GABBR2: variants seen among roughly 807,000 people sequenced by gnomAD.
The protein encoded by GABBR2 is G-protein coupled receptor 51.
A neutral mutation model predicts 105.6 loss-of-function variants in GABBR2; 23 were observed. The observed-to-expected ratio is 0.22, with a 90% CI of 0.16 to 0.31. The LOEUF (loss-of-function observed/expected upper bound fraction) is 0.31, where lower values mean the gene tolerates loss of function less well. GABBR2 is among the 10% of genes least tolerant of loss of function. The probability of loss-of-function intolerance (pLI) is 1.00; values close to 1 mark genes in which losing one functional copy is unlikely to be tolerated. For missense variants in GABBR2, 734 were observed against 1,245.5 expected (o/e 0.59, Z 6.18); for synonymous variants, 478 against 499.7 (o/e 0.96, Z 0.58).
chr9:98,676,803 C>T lies in GABBR2; in HGVS notation c.321+31614G>A, dbSNP rs79257039. On this transcript the variant is annotated intron_variant, in intron 1 of 18. Coordinates refer to ENST00000259455, the MANE Select transcript of GABBR2 (RefSeq NM_005458.8). ...AAATAAGTGTTCAACTTACTGAAGC[C>T]GCTGTATTTTTGAGCCTCTTTTTTA... 3.8e-3 allele frequency among the ~76,000 whole-genome samples: 573 copies of T among 152,308 alleles called. 2 individuals carry two copies. The highest frequency in any genetic ancestry group is 0.013 in the African/African-American group (535 of 41,568).
chr9:98,450,489 G>C (rs1455487009), intron 7 of GABBR2, among the ~76,000 whole-genome samples: 3 of 152,220 alleles, frequency 2.0e-5, no homozygotes, highest in Non-Finnish European at 4.4e-5. Flanking sequence ...CTGTTTCACT[G>C]TTGCGGTCTG....
intron 7 of GABBR2, among the ~76,000 whole-genome samples, chr9:98,430,447 A>C (rs1046810094): frequency 6.6e-6 from 1 of 151,800 alleles, no homozygotes; most frequent in African/African-American, 2.4e-5. Flanking sequence ...ATTTCACCCC[A>C]CTCCTGAGAT....
At chr9:98,466,760 G>C (rs1188390750) in intron 6 of GABBR2, among the ~76,000 whole-genome samples, 1 of 152,196 alleles carries the variant, frequency 6.6e-6, no homozygotes, top group Non-Finnish European at 1.5e-5. Flanking sequence ...AGGTTCAGCT[G>C]CATTGTAACA....
rs1347437941 is a variant in GABBR2 at position 98,371,529 on chromosome 9, C to T, written c.1705G>A (p.Gly569Arg). The T allele has an allele frequency of 6.2e-7, 1 of 1,612,774 alleles. No individual in the cohort carries two copies. The highest frequency in any genetic ancestry group is 8.5e-7 in the Non-Finnish European group (1 of 1,178,936). The change falls in exon 12 of 19, where the codon GGG (glycine) becomes AGG (arginine). Residue 569 changes from glycine to arginine, a missense_variant. Physicochemically the swap from Gly to Arg is moderately radical, Grantham distance 125. This residue lies in a region of GABBR2 where 17 missense variants were observed against 67.8 expected (regional missense o/e 0.25). Transcript: ENST00000259455. ...CTCCAGGTCTTTGCAAACATGGCCC[C>T]AAAAGCGGTCGTGTAGCCCACGGTG... The part of the protein sequence containing the change: ...ILTVGYTTAF[G>R]AMFAKTWRVH...
At chr9:98,498,421 T>C (rs1189822327) in intron 3 of GABBR2, among the ~76,000 whole-genome samples, 1 of 152,234 alleles carries the variant, frequency 6.6e-6, no homozygotes, top group Non-Finnish European at 1.5e-5. Flanking sequence ...AAAGAACTTC[T>C]TATTTCAACA....
At chr9:98,587,039 A>C (rs2778909) in intron 1 of GABBR2, among the ~76,000 whole-genome samples, 95,758 of 152,102 alleles carry the variant, frequency 0.63, 30,388 homozygotes, top group East Asian at 0.72. Flanking sequence ...TACACTCCCA[A>C]CAGCAGTGTT....
intron 1 of GABBR2, among the ~76,000 whole-genome samples, chr9:98,693,343 TG>T (rs1257362478): frequency 1.3e-5 from 2 of 152,190 alleles, no homozygotes; most frequent in Non-Finnish European, 2.9e-5. Context: ...TCTACACAGA[TG>T]CCATTCCCGG....
chr9:98,411,966 A>G (rs1832598684), intron 7 of GABBR2, among the ~76,000 whole-genome samples: 1 of 152,278 alleles, frequency 6.6e-6, no homozygotes, highest in Non-Finnish European at 1.5e-5. Flanking sequence ...GTAGGATTTA[A>G]CAGCCTCCTC....
At chr9:98,469,901 G>A (rs1261179018) in intron 6 of GABBR2, among the ~76,000 whole-genome samples, 1 of 152,204 alleles carries the variant, frequency 6.6e-6, no homozygotes, top group Non-Finnish European at 1.5e-5. Context: ...CCAGCAGCCA[G>A]TGCCATGCTG....
intron 4 of GABBR2, among the ~76,000 whole-genome samples, chr9:98,482,275 A>T (rs1232656085): frequency 6.6e-6 from 1 of 152,254 alleles, no homozygotes; most frequent in African/African-American, 2.4e-5. Context: ...GTACTTTAGC[A>T]AAATAAAGAA....
chr9:98,446,000 A>G (rs1247471708), intron 7 of GABBR2, among the ~76,000 whole-genome samples: 2 of 152,234 alleles, frequency 1.3e-5, no homozygotes, highest in African/African-American at 4.8e-5. Flanking sequence ...TTCCACATTA[A>G]GGTAACTTTC....
At chr9:98,556,997 T>C (rs1273571995) in intron 2 of GABBR2, among the ~76,000 whole-genome samples, 2 of 152,220 alleles carry the variant, frequency 1.3e-5, no homozygotes, top group African/African-American at 4.8e-5. Flanking sequence ...TGAGCCGTGA[T>C]AGTGCCACTG....
At chr9:98,307,777 AC>A (rs1830573902) in intron 14 of GABBR2, among the ~76,000 whole-genome samples, 1 of 152,082 alleles carries the variant, frequency 6.6e-6, no homozygotes, top group South Asian at 2.1e-4. Flanking sequence ...ATGTCAAAGC[AC>A]TCTGTAGACT....
intron 13 of GABBR2, among the ~76,000 whole-genome samples, chr9:98,345,431 T>A (rs550635039): frequency 6.6e-6 from 1 of 152,344 alleles, no homozygotes; most frequent in Admixed American, 6.5e-5. Context: ...GTTTTGGCCA[T>A]CAAAACTATT....
chr9:98,675,961 A>C (rs1830471857), intron 1 of GABBR2, among the ~76,000 whole-genome samples: 1 of 152,148 alleles, frequency 6.6e-6, no homozygotes, highest in South Asian at 2.1e-4. Flanking sequence ...CTCACCTGTA[A>C]TAGATAGAAC....
chr9:98,551,532 C>T (rs566608275), intron 2 of GABBR2, among the ~76,000 whole-genome samples: 1 of 152,278 alleles, frequency 6.6e-6, no homozygotes, highest in South Asian at 2.1e-4. Flanking sequence ...AGGGAGGGAA[C>T]AATTTATGCC....
chr9:98,436,267 AAAC>A (rs1217089305), intron 7 of GABBR2, among the ~76,000 whole-genome samples: 7 of 113,140 alleles, frequency 6.2e-5, no homozygotes, highest in Non-Finnish European at 1.2e-4. Flanking sequence ...TCTGTTATTT[AAAC>A]AACAACAACC....
chr9:98,407,464 C>T (rs145501111), intron 7 of GABBR2, among the ~76,000 whole-genome samples: 1,733 of 152,236 alleles, frequency 0.011, 38 homozygotes, highest in African/African-American at 0.04. Flanking sequence ...ATTCAGGTGA[C>T]GGTAAGCAAC....
At position 98,413,791 on chromosome 9, in the gene GABBR2, G is replaced by A. The variant is rs539337787; in HGVS notation, c.1237-7650C>T. Among the ~76,000 whole-genome samples the A allele has an allele frequency of 1.1e-4, 17 of 152,318 alleles. No homozygotes were observed. In the South Asian group the frequency reaches 1.9e-3, roughly 17 times the overall value. ...GGGGCTGTGTGCGGTGGAGGGAAGC[G>A]GGGACCTAGAGAAGATGGCTGGGTG... On this transcript the variant is annotated intron_variant, in intron 7 of 18. Transcript: ENST00000259455.
Sources: allele counts gnomAD v4.1 joint callset (sites outside exome capture counted in the v4.1 genomes callset), GRCh38; gene constraint gnomAD v4.1.1; regional missense constraint gnomAD v4.1.1; transcripts MANE v1.5; gene names NCBI Gene and HGNC (gene_info 2026-07-23, HGNC 2026-07-21).